The following ANKRD36 variants were observed in gnomAD, a reference collection of about 807,000 sequenced individuals.
ANKRD36 encodes the protein ankyrin repeat domain-containing protein 36A.
ANKRD36 carries 179 observed loss-of-function variants against 278.1 expected under a neutral mutation model. That is an observed-to-expected ratio of 0.64 (90% CI 0.57 to 0.73). The LOEUF is 0.73. Ranked by LOEUF, ANKRD36 falls within the 30% of genes least tolerant of loss-of-function variation. The probability of loss-of-function intolerance (pLI) is 0.00; values close to 1 mark genes in which losing one functional copy is unlikely to be tolerated. For synonymous variants in ANKRD36, 320 were observed against 641.1 expected, an observed-to-expected ratio of 0.50 and a Z score of 7.57; for missense variants, 1,159 against 1,956.7, an observed-to-expected ratio of 0.59 and a Z score of 7.69.
At chr2:97,204,731 G>A (rs2062373896) in intron 50 of ANKRD36, among the ~76,000 whole-genome samples, 4 of 151,662 alleles carry the variant, frequency 2.6e-5, no homozygotes, top group Admixed American at 1.3e-4. Context: ...TTGTGAGGCA[G>A]GAAGGTGTGA....
rs3878989 is a variant in ANKRD36, at chr2:97,113,303, C to T, written c.-437C>T. Among the ~76,000 whole-genome samples, 33 of 152,242 alleles carry T rather than the reference C, an allele frequency of 2.2e-4. No individual in the cohort carries two copies. The highest frequency in any genetic ancestry group is 7.5e-4 in the African/African-American group (31 of 41,550). On this transcript the variant is annotated 5_prime_UTR_variant, in exon 1 of 76. Transcript: ENST00000420699. ...GGGGCTGTGGGCCCAGCGGTGGCAC[C>T]AGGCGGAGAAGCACCACTCAACCCC... is the stretch of plus-strand genomic sequence containing the variant.
intron 67 of ANKRD36, among the ~76,000 whole-genome samples, chr2:97,231,526 G>A (rs142732697): frequency 3.5e-3 from 526 of 152,160 alleles, no homozygotes; most frequent in African/African-American, 0.012. Context: ...AATTTTCCAG[G>A]TGCTGTCTGT....
chr2:97,192,858 T>G lies in ANKRD36; in HGVS notation c.2348T>G (p.Val783Gly). The G allele has an allele frequency of 6.2e-7, 1 of 1,603,302 alleles. No homozygotes were observed. Among genetic ancestry groups the G allele is most frequent in the Non-Finnish European group, 8.5e-7 (1 of 1,177,264 alleles). ...ATTATGTATCCCTTTTGCTTTTCAG[T>G]GTCTTCTCAGAAACCACCAGCCTTG... ...EIKDGEKSGT[V>G]SSQKPPALTA... is the part of the protein sequence containing the mutation. Residue 783 changes from valine (V) to glycine (G), a missense_variant and splice_region_variant, in exon 37 of 76, where the codon GTG becomes GGG. Transcript: ENST00000420699.
At chr2:97,244,345 AG>A (rs1233520862) in intron 70 of ANKRD36, among the ~76,000 whole-genome samples, 5 of 124,000 alleles carry the variant, frequency 4.0e-5, no homozygotes, top group Non-Finnish European at 8.9e-5. Context: ...GTTATGGAAA[AG>A]GAATAAAAGT....
At chr2:97,211,434 G>T (rs1440905662) in intron 56 of ANKRD36, 112 bp from the exon 57 acceptor site, 2 of 1,489,154 alleles carry the variant, frequency 1.3e-6, no homozygotes, top group Middle Eastern at 2.4e-4. Flanking sequence ...AGCCGTCAAG[G>T]CCTACACTAA....
chr2:97,190,583 A>T (rs2058305366), intron 34 of ANKRD36, among the ~76,000 whole-genome samples: 1 of 151,556 alleles, frequency 6.6e-6, no homozygotes, highest in South Asian at 2.1e-4. Flanking sequence ...AATGGTATAA[A>T]TCCTTTTGAT....
chr2:97,210,074 C>A (rs1183702209), intron 56 of ANKRD36, among the ~76,000 whole-genome samples: 37 of 151,796 alleles, frequency 2.4e-4, no homozygotes, highest in Admixed American at 1.8e-3. Context: ...ATACCCTTCC[C>A]CACATTGAAA....
intron 44 of ANKRD36, among the ~76,000 whole-genome samples, chr2:97,199,192 C>T (rs145050756): frequency 0.06 from 9,022 of 150,388 alleles, 6 homozygotes; most frequent in African/African-American, 0.17. Flanking sequence ...CCTGAGTGAA[C>T]TCACTTCAGA....
At position 97,192,989 on chromosome 2, in the gene ANKRD36, T is replaced by G; in HGVS notation, c.2385T>G (p.Ser795Arg). 6.3e-7 allele frequency: 1 copy of G among 1,581,244 alleles called. No individual in the cohort carries two copies. Among genetic ancestry groups the G allele is most frequent in the Non-Finnish European group, 8.6e-7 (1 of 1,163,598 alleles). The change falls in exon 38 of 76, where the codon AGT (serine) becomes AGG (arginine). Residue 795 changes from serine to arginine, a missense_variant. Physicochemically the swap from Ser to Arg is moderately radical, Grantham distance 110 (BLOSUM62 -1). Transcript: ENST00000420699. ...TTTGAAATTCCATTCAGGCTACAAG[T>G]GACGAGGAAGGTTCTGTTTTGAGTA... Reference protein sequence around the residue: ...SQKPPALTATSDEEGSVLSIA... With the variant: ...SQKPPALTATRDEEGSVLSIA...
At chr2:97,222,632 C>T (rs1261134789) in intron 66 of ANKRD36, among the ~76,000 whole-genome samples, 2 of 152,132 alleles carry the variant, frequency 1.3e-5, no homozygotes, top group African/African-American at 2.4e-5. Context: ...CAGTTTGAAA[C>T]ATAACAGTGT....
intron 32 of ANKRD36, among the ~76,000 whole-genome samples, 168 bp downstream of exon 32, chr2:97,187,569 T>C (rs2057705374): frequency 6.6e-6 from 1 of 151,850 alleles, no homozygotes; most frequent in Admixed American, 6.6e-5. Context: ...GTGACGCTAA[T>C]GCTGCTGGCT....
chr2:97,216,077 T>G (rs1485739454), intron 62 of ANKRD36, among the ~76,000 whole-genome samples: 1 of 151,838 alleles, frequency 6.6e-6, no homozygotes, highest in Non-Finnish European at 1.5e-5. Flanking sequence ...AAAAGAATAT[T>G]AAATTTTGGC....
intron 22 of ANKRD36, among the ~76,000 whole-genome samples, chr2:97,170,490 C>G (rs895919329): frequency 2.6e-5 from 4 of 151,774 alleles, no homozygotes; most frequent in African/African-American, 9.7e-5. Flanking sequence ...GCTGGGAAAA[C>G]TTTCTACATA....
At chr2:97,192,114 G>T (rs1329426699) in intron 36 of ANKRD36, among the ~76,000 whole-genome samples, 2 of 151,814 alleles carry the variant, frequency 1.3e-5, no homozygotes, top group Middle Eastern at 3.4e-3. Context: ...AATATCTAAT[G>T]CTAGTAGCAG....
intron 68 of ANKRD36, among the ~76,000 whole-genome samples, chr2:97,240,983 T>TTG (rs1491397900): frequency 0.012 from 138 of 11,500 alleles, no homozygotes; most frequent in African/African-American, 0.055. Flanking sequence ...CATAACTATG[T>TTG]TTTTTTTTTT....
intron 60 of ANKRD36, among the ~76,000 whole-genome samples, chr2:97,213,967 T>C (rs2153634276): frequency 6.6e-6 from 1 of 151,848 alleles, no homozygotes; most frequent in South Asian, 2.1e-4. Context: ...AGACGTCACA[T>C]CATACTGCTA....
chr2:97,199,822 C>T (rs1314345694), intron 44 of ANKRD36, among the ~76,000 whole-genome samples: 3 of 151,918 alleles, frequency 2.0e-5, no homozygotes, highest in African/African-American at 7.2e-5. Context: ...ATTCAGGACA[C>T]TTGCACTGAA....
chr2:97,145,481 G>A (rs907493749), intron 10 of ANKRD36, among the ~76,000 whole-genome samples: 7 of 151,930 alleles, frequency 4.6e-5, no homozygotes, highest in Non-Finnish European at 1.0e-4. Context: ...CTAACTTTTG[G>A]ACAAAATAGC....
rs572571389 is a variant in ANKRD36, at chr2:97,203,315, A to AT, written c.2960-752dup. On this transcript the variant is annotated intron_variant, in intron 48 of 75. Transcript: ENST00000420699. ...TGATTTCTGAATGAAAAACTGATCA[A>AT]TATCTAATGCTTGTAGCAGTTTCAC... is the stretch of plus-strand genomic sequence containing the variant. Among the ~76,000 whole-genome samples, 334 of 151,962 alleles carry AT rather than the reference A, an allele frequency of 2.2e-3. 2 individuals are homozygous for AT. The highest frequency in any genetic ancestry group is 7.7e-3 in the African/African-American group (319 of 41,494).
Sources: gnomAD v4.1 joint callset for allele counts (sites outside exome capture counted in the v4.1 genomes callset) on GRCh38, gnomAD v4.1.1 for gene constraint, MANE v1.5 for transcripts, NCBI Gene and HGNC (gene_info 2026-07-23, HGNC 2026-07-21) for gene names.